Variants in NTN1 observed in about 807,000 individuals in gnomAD.
NTN1 encodes netrin-1.
Under a neutral mutation model 54.2 loss-of-function variants are expected in NTN1, and 11 were observed. That is an observed-to-expected ratio of 0.20 (90% confidence interval 0.13 to 0.34). The LOEUF (loss-of-function observed/expected upper bound fraction) is 0.34, where lower values mean the gene tolerates loss of function less well. NTN1 is among the 10% of genes least tolerant of loss of function. The pLI is 1.00. For synonymous variants in NTN1, 371 were observed against 382.0 expected, an observed-to-expected ratio of 0.97 and a Z score of 0.33; for missense variants, 740 against 893.1, an observed-to-expected ratio of 0.83 and a Z score of 2.18.
chr17:9,049,070 G>A (rs1229124322), intron 2 of NTN1, among the ~76,000 whole-genome samples: 2 of 152,170 alleles, frequency 1.3e-5, no homozygotes, highest in African/African-American at 4.8e-5. Flanking sequence ...TGAAACAAGT[G>A]TACACAGAGT....
chr17:9,060,003 G>A (rs1302153455), intron 2 of NTN1, among the ~76,000 whole-genome samples: 3 of 152,096 alleles, frequency 2.0e-5, no homozygotes, highest in Admixed American at 6.6e-5. Flanking sequence ...TACTGCATAC[G>A]GGGTGTATGT....
intron 2 of NTN1, among the ~76,000 whole-genome samples, chr17:9,126,751 CAGAT>C (rs941594853): frequency 1.3e-5 from 2 of 151,998 alleles, no homozygotes; most frequent in African/African-American, 4.8e-5. Flanking sequence ...GAGTCAAGCA[CAGAT>C]AGAGGGAACA....
At chr17:9,193,938 A>AAAAAAAAAAAAAAC (rs796452392) in intron 5 of NTN1, among the ~76,000 whole-genome samples, 70 of 108,198 alleles carry the variant, frequency 6.5e-4, no homozygotes, top group Middle Eastern at 6.8e-3. Context: ...AAAAAAAAAA[A>AAAAAAAAAAAAAAC]AAAAAACATT....
chr17:9,227,123 G>A (rs1382476819), intron 6 of NTN1, among the ~76,000 whole-genome samples: 1 of 152,016 alleles, frequency 6.6e-6, no homozygotes, highest in Non-Finnish European at 1.5e-5. Context: ...TGTCTGCGCT[G>A]CCTCCCACGT....
intron 6 of NTN1, among the ~76,000 whole-genome samples, chr17:9,232,190 G>A (rs927487058): frequency 2.0e-5 from 3 of 152,308 alleles, no homozygotes; most frequent in East Asian, 1.9e-4. Flanking sequence ...AGAAGGAGGC[G>A]GCTGCGGCTT....
At chr17:9,107,414 G>T (rs758984780) in intron 2 of NTN1, among the ~76,000 whole-genome samples, 4 of 152,206 alleles carry the variant, frequency 2.6e-5, no homozygotes, top group Non-Finnish European at 5.9e-5. Context: ...TGAAAGACAT[G>T]TGGGCACTTA....
intron 3 of NTN1, among the ~76,000 whole-genome samples, chr17:9,172,094 G>T (rs1337121741): frequency 6.6e-6 from 1 of 152,002 alleles, no homozygotes; most frequent in Admixed American, 6.5e-5. Context: ...CACCATGTTA[G>T]TCAGGCTGGT....
intron 2 of NTN1, among the ~76,000 whole-genome samples, chr17:9,117,746 AAAAC>A (rs1250585713): frequency 1.5e-4 from 22 of 145,072 alleles, no homozygotes; most frequent in African/African-American, 5.3e-4. Flanking sequence ...TCCATCTCAA[AAAAC>A]AAACAAACAA....
intron 2 of NTN1, among the ~76,000 whole-genome samples, chr17:9,142,181 C>T (rs571921306): frequency 3.3e-5 from 5 of 151,660 alleles, no homozygotes; most frequent in African/African-American, 9.7e-5. Flanking sequence ...CCCAGCTACT[C>T]GAGAGGCTGA....
intron 2 of NTN1, among the ~76,000 whole-genome samples, chr17:9,143,393 T>C (rs1272209952): frequency 6.6e-6 from 1 of 152,138 alleles, no homozygotes; most frequent in Non-Finnish European, 1.5e-5. Context: ...CATTTTGCTA[T>C]CTCAGCCGTT....
chr17:9,214,246 T>C (rs1256059776), intron 5 of NTN1, among the ~76,000 whole-genome samples: 1 of 152,228 alleles, frequency 6.6e-6, no homozygotes, highest in Non-Finnish European at 1.5e-5. Flanking sequence ...AAATGTGGCT[T>C]GTATAGTTTG....
At chr17:9,153,263 A>G (rs771902326) in intron 2 of NTN1, among the ~76,000 whole-genome samples, 3 of 152,062 alleles carry the variant, frequency 2.0e-5, no homozygotes, top group African/African-American at 7.2e-5. Context: ...TCTGGGCAAC[A>G]TGGTGAAACC....
intron 6 of NTN1, among the ~76,000 whole-genome samples, chr17:9,225,215 G>A (rs1268459015): frequency 2.6e-5 from 4 of 151,808 alleles, no homozygotes; most frequent in Non-Finnish European, 5.9e-5. Flanking sequence ...AGATCGTGCC[G>A]TTGCACTCCA....
At chr17:9,066,082 A>G (rs550078403) in intron 2 of NTN1, among the ~76,000 whole-genome samples, 1 of 152,302 alleles carries the variant, frequency 6.6e-6, no homozygotes, top group Admixed American at 6.5e-5. Flanking sequence ...AGTTAAATGC[A>G]ATTATGTATA....
At chr17:9,124,052 T>A (rs1410367901) in intron 2 of NTN1, among the ~76,000 whole-genome samples, 1 of 152,198 alleles carries the variant, frequency 6.6e-6, no homozygotes, top group African/African-American at 2.4e-5. Flanking sequence ...ACCTTTGGCC[T>A]GTCCCCTGAC....
chr17:9,044,001 T>A (rs2151514026), intron 2 of NTN1, among the ~76,000 whole-genome samples: 2 of 152,320 alleles, frequency 1.3e-5, no homozygotes, highest in Middle Eastern at 6.8e-3. Context: ...TTATTCCTGT[T>A]GAGCATTAAA....
At chr17:9,173,034 G>A (rs1487564579) in intron 3 of NTN1, among the ~76,000 whole-genome samples, 2 of 151,890 alleles carry the variant, frequency 1.3e-5, no homozygotes, top group Non-Finnish European at 2.9e-5. Flanking sequence ...CTTCCCTAGG[G>A]CTCTCTGACA....
chr17:9,036,704 A>G (rs1269281193), intron 2 of NTN1, among the ~76,000 whole-genome samples: 4 of 152,286 alleles, frequency 2.6e-5, no homozygotes, highest in Middle Eastern at 3.4e-3. Context: ...AGGTCATGTA[A>G]TGATATTCTG....
intron 6 of NTN1, among the ~76,000 whole-genome samples, chr17:9,227,237 C>T (rs919068750): frequency 4.1e-4 from 58 of 141,298 alleles, no homozygotes; most frequent in Non-Finnish European, 7.8e-4. Context: ...ATCACATACA[C>T]CATCACACAC....
Sources: allele counts gnomAD v4.1 joint callset (sites outside exome capture counted in the v4.1 genomes callset), GRCh38; gene constraint gnomAD v4.1.1; transcripts MANE v1.5; gene names NCBI Gene and HGNC (gene_info 2026-07-23, HGNC 2026-07-21).